F13A1: variants seen among roughly 807,000 people sequenced by gnomAD.
The protein encoded by F13A1 is FSF, A subunit.
In F13A1, 47 loss-of-function variants were observed where a neutral mutation model predicts 80.1. That is an observed-to-expected ratio of 0.59 (90% CI 0.46 to 0.75). The LOEUF is 0.75. F13A1 is among the 30% of genes least tolerant of loss of function. The probability of loss-of-function intolerance (pLI) is 0.00; values close to 1 mark genes in which losing one functional copy is unlikely to be tolerated. For synonymous variants in F13A1, 349 were observed against 344.9 expected (o/e 1.01, Z -0.13); for missense variants, 817 against 930.4 (o/e 0.88, Z 1.59).
rs994101897 is a variant in F13A1, at chr6:6,250,296, T to C, written c.690+515A>G. 1.3e-5 allele frequency among the ~76,000 whole-genome samples: 2 copies of C among 152,164 alleles called. No individual in the cohort carries two copies. Among genetic ancestry groups the C allele is most frequent in the Non-Finnish European group, 2.9e-5 (2 of 68,044 alleles). On this transcript the variant is annotated intron_variant, in intron 5 of 14. Transcript: ENST00000264870. The surrounding 1 kb of genome is among the most constrained non-coding windows in gnomAD (Gnocchi z 4.2). Reference sequence around the variant, plus strand: ...TAAAGAAATGCCATTTGCTACTTTGTGTCTAGACAATCAACTTGCAGCTGA... The same window carrying C: ...TAAAGAAATGCCATTTGCTACTTTGCGTCTAGACAATCAACTTGCAGCTGA...
intron 3 of F13A1, among the ~76,000 whole-genome samples, chr6:6,275,948 T>C (rs1056766827): frequency 1.1e-4 from 16 of 152,220 alleles, no homozygotes; most frequent in African/African-American, 3.9e-4. Context: ...TTCTACAATG[T>C]AGACAAAGTT....
intron 13 of F13A1, among the ~76,000 whole-genome samples, 195 bp from the exon 14 acceptor site, chr6:6,152,144 A>G (rs544465759): frequency 4.6e-5 from 7 of 152,320 alleles, no homozygotes; most frequent in Non-Finnish European, 7.4e-5. Flanking sequence ...TACTAATTAG[A>G]ATCGCACTCT....
At chr6:6,153,020 T>C (rs116300214) in intron 13 of F13A1, among the ~76,000 whole-genome samples, 3,349 of 152,348 alleles carry the variant, frequency 0.022, 49 homozygotes, top group Middle Eastern at 0.048. Context: ...TTGATGCTTT[T>C]TAGGGTAGCA....
At chr6:6,175,323 C>T (rs189953520) in intron 11 of F13A1, among the ~76,000 whole-genome samples, 1 of 152,316 alleles carries the variant, frequency 6.6e-6, no homozygotes, top group East Asian at 1.9e-4. Context: ...TACCTGCCCC[C>T]CAATAAGACC....
chr6:6,224,945 G>A, intron 6 of F13A1, 85 bp from the exon 7 acceptor site: 2 of 1,389,054 alleles, frequency 1.4e-6, no homozygotes, highest in Non-Finnish European at 2.0e-6. Flanking sequence ...AGCTATGGCT[G>A]CCATTGCCTT....
At chr6:6,160,064 G>A (rs1404154265) in intron 13 of F13A1, among the ~76,000 whole-genome samples, 4 of 151,830 alleles carry the variant, frequency 2.6e-5, no homozygotes, top group African/African-American at 9.7e-5. Flanking sequence ...ATCACCTGAG[G>A]TCAGGAGTTC....
chr6:6,217,336 T>C (rs1435642797), intron 8 of F13A1, among the ~76,000 whole-genome samples: 1 of 147,770 alleles, frequency 6.8e-6, no homozygotes, highest in Non-Finnish European at 1.5e-5. Flanking sequence ...CACCATGGAA[T>C]ACTATGCAGC....
intron 2 of F13A1, among the ~76,000 whole-genome samples, chr6:6,312,857 G>C (rs1483332252): frequency 6.6e-6 from 1 of 151,994 alleles, no homozygotes; most frequent in Non-Finnish European, 1.5e-5. Context: ...CAAGCTTAAT[G>C]GGTTGTCCAA....
Position 6,318,612 on chromosome 6 carries a change from T to G in F13A1, c.53A>C (p.Asn18Thr). 1 of 1,613,802 alleles carries G rather than the reference T, an allele frequency of 6.2e-7. No homozygotes were observed. The highest frequency in any genetic ancestry group is 8.5e-7 in the Non-Finnish European group (1 of 1,179,952). The change falls in exon 2 of 15, where the codon AAT becomes ACT. Residue 18 changes from asparagine to threonine, a missense_variant. Coordinates refer to ENST00000264870, the MANE Select transcript of F13A1 (RefSeq NM_000129.4). Reference protein sequence around the residue: ...AFGGRRAVPPNNSNAAEDDLP... With the variant: ...AFGGRRAVPPTNSNAAEDDLP... ...GTCATCTTCCGCTGCATTAGAGTTA[T>G]TGGGTGGAACTGCTCTTCTGCCTCC...
Position 6,248,351 on chromosome 6 carries a change from T to C in F13A1, c.759A>G (p.Arg253=), listed in dbSNP as rs750608990. 1 of 1,613,934 alleles carries C rather than the reference T, an allele frequency of 6.2e-7. No homozygotes were observed. The highest frequency in any genetic ancestry group is 1.1e-5 in the South Asian group (1 of 91,072). Residue 253 remains arginine, a synonymous_variant, in exon 6 of 15, where the codon AGA becomes AGG. Coordinates refer to ENST00000264870, the MANE Select transcript of F13A1 (RefSeq NM_000129.4). ...CACGGCTGACTTTGATGGGATTCCCTCTTCCAGAGAGGTCCATTTGTGCTC... is the reference window on the plus strand; with the variant it reads ...CACGGCTGACTTTGATGGGATTCCCCCTTCCAGAGAGGTCCATTTGTGCTC... ...MDRAQMDLSG[R]GNPIKVSRVG...
chr6:6,260,703 T>TA (rs999208760), intron 4 of F13A1, among the ~76,000 whole-genome samples: 1 of 152,116 alleles, frequency 6.6e-6, no homozygotes, highest in Non-Finnish European at 1.5e-5. Flanking sequence ...TCACTTCATT[T>TA]AAAAAAATGG....
intron 2 of F13A1, among the ~76,000 whole-genome samples, chr6:6,311,605 A>ATGTT (rs1463382404): frequency 4.8e-4 from 8 of 16,726 alleles, no homozygotes; most frequent in African/African-American, 1.1e-3. Flanking sequence ...TCATGAATAT[A>ATGTT]TATGTTTATA....
chr6:6,199,306 G>A (rs62408016), intron 8 of F13A1, among the ~76,000 whole-genome samples: 3 of 152,164 alleles, frequency 2.0e-5, no homozygotes, highest in African/African-American at 2.4e-5. Context: ...TGGTTAACAC[G>A]GTGAAACCCC....
intron 14 of F13A1, among the ~76,000 whole-genome samples, chr6:6,147,609 C>T (rs186131084): frequency 2.1e-3 from 320 of 152,328 alleles, no homozygotes; most frequent in South Asian, 3.5e-3. Context: ...AGTGATCAAT[C>T]AGAAGCACTT....
At chr6:6,318,758 A>G in intron 1 of F13A1, 76 bp from the exon 2 acceptor site, 2 of 1,480,542 alleles carry the variant, frequency 1.4e-6, no homozygotes, top group South Asian at 1.2e-5. Context: ...GGATTCCAAA[A>G]TAGAGAAACA....
intron 13 of F13A1, among the ~76,000 whole-genome samples, chr6:6,159,825 T>C (rs1004529765): frequency 2.0e-5 from 3 of 152,154 alleles, no homozygotes; most frequent in Non-Finnish European, 4.4e-5. Context: ...AGGCCCCATG[T>C]ACACTGTCTT....
At chr6:6,172,302 A>C (rs1426175022) in intron 12 of F13A1, among the ~76,000 whole-genome samples, 4 of 152,176 alleles carry the variant, frequency 2.6e-5, no homozygotes, top group Non-Finnish European at 4.4e-5. Context: ...CTCTGAAATC[A>C]AATGTGGCTG....
At chr6:6,268,375 A>G (rs1242481639) in intron 3 of F13A1, among the ~76,000 whole-genome samples, 1 of 152,208 alleles carries the variant, frequency 6.6e-6, no homozygotes, top group African/African-American at 2.4e-5. Context: ...TAAGCAACTT[A>G]CCTAGGGTGA....
intron 10 of F13A1, among the ~76,000 whole-genome samples, chr6:6,182,363 G>A (rs1463087293): frequency 6.6e-6 from 1 of 152,192 alleles, no homozygotes; most frequent in Non-Finnish European, 1.5e-5. Flanking sequence ...TTGAGGCTGA[G>A]ATAATAAACT....
Sources: gnomAD v4.1 joint callset for allele counts (sites outside exome capture counted in the v4.1 genomes callset) on GRCh38, gnomAD v4.1.1 for gene constraint, Gnocchi (gnomAD v3.1) non-coding constraint, MANE v1.5 for transcripts, NCBI Gene and HGNC (gene_info 2026-07-23, HGNC 2026-07-21) for gene names.